LRFN5: variants seen among roughly 807,000 people sequenced by gnomAD.
LRFN5 encodes leucine rich repeat and fibronectin type III domain containing 5, also known as leucine-rich repeat and fibronectin type-III domain-containing protein 5.
Under a neutral mutation model 45.6 loss-of-function variants are expected in LRFN5, and 24 were observed. That is an observed-to-expected ratio of 0.53 (90% CI 0.38 to 0.74). LRFN5 has a LOEUF of 0.74. Ranked by LOEUF, LRFN5 falls within the 30% of genes least tolerant of loss-of-function variation. The pLI is 0.00. For missense variants in LRFN5, 776 were observed against 861.5 expected (o/e 0.90, Z 1.24); for synonymous variants, 340 against 313.8 (o/e 1.08, Z -0.88).
intron 1 of LRFN5, among the ~76,000 whole-genome samples, chr14:41,753,933 G>A (rs937984453): frequency 2.4e-4 from 37 of 152,172 alleles, no homozygotes; most frequent in South Asian, 8.3e-4. Context: ...TTTGAGATAC[G>A]TCCCATCAAT....
chr14:41,726,219 C>T (rs572528338), intron 1 of LRFN5, among the ~76,000 whole-genome samples: 8 of 152,146 alleles, frequency 5.3e-5, no homozygotes, highest in South Asian at 2.1e-4. Context: ...TCATTATCTA[C>T]GCTCTAATTT....
intron 2 of LRFN5, among the ~76,000 whole-genome samples, chr14:41,861,294 T>C (rs1198412277): frequency 6.6e-6 from 1 of 152,186 alleles, no homozygotes; most frequent in Non-Finnish European, 1.5e-5. Flanking sequence ...AGCTCGATTA[T>C]TGTTTCTTTG....
chr14:41,760,708 G>T lies in LRFN5; in HGVS notation c.-196-6146G>T, dbSNP rs189923381. 9.2e-4 allele frequency among the ~76,000 whole-genome samples: 139 copies of T among 151,740 alleles called. 1 individual carries two copies. Among genetic ancestry groups the T allele is most frequent in the Non-Finnish European group, 1.5e-3 (103 of 67,874 alleles). ...AGAGAGGGAGGGAGGAAGGAAAGAA[G>T]GGAATCAGGGAGGGATAGAGAGAAG... On this transcript the variant is annotated intron_variant, in intron 1 of 5. Coordinates refer to ENST00000298119, the MANE Select transcript of LRFN5 (RefSeq NM_152447.5).
At chr14:41,864,019 G>A (rs1889759424) in intron 2 of LRFN5, among the ~76,000 whole-genome samples, 1 of 152,110 alleles carries the variant, frequency 6.6e-6, no homozygotes, top group Admixed American at 6.5e-5. Flanking sequence ...TTTTCTTTAA[G>A]GCTTCATAGT....
intron 2 of LRFN5, among the ~76,000 whole-genome samples, chr14:41,815,798 G>A (rs994798866): frequency 2.0e-5 from 3 of 151,938 alleles, no homozygotes; most frequent in Non-Finnish European, 4.4e-5. Flanking sequence ...TGAAGTGGAT[G>A]TCTTGTAGAC....
At chr14:41,680,531 GT>G (rs1299671633) in intron 1 of LRFN5, among the ~76,000 whole-genome samples, 2 of 152,122 alleles carry the variant, frequency 1.3e-5, no homozygotes, top group Non-Finnish European at 1.5e-5. Flanking sequence ...CCCTCTATGA[GT>G]TTTTAAGAGC....
At chr14:41,862,317 A>G (rs534012620) in intron 2 of LRFN5, among the ~76,000 whole-genome samples, 4 of 152,278 alleles carry the variant, frequency 2.6e-5, no homozygotes, top group African/African-American at 9.6e-5. Context: ...CTGTTTTTAC[A>G]TCTTGTAGAA....
intron 1 of LRFN5, among the ~76,000 whole-genome samples, chr14:41,714,184 A>T (rs896050363): frequency 6.6e-6 from 1 of 152,194 alleles, no homozygotes; most frequent in Admixed American, 6.5e-5. Context: ...CTTTAAGTGG[A>T]TGGGATATGG....
At chr14:41,885,155 CAAAA>C (rs56318694) in intron 2 of LRFN5, among the ~76,000 whole-genome samples, 13 of 129,432 alleles carry the variant, frequency 1.0e-4, no homozygotes, top group African/African-American at 2.6e-4. Flanking sequence ...CCTGTCTCTA[CAAAA>C]AAAAAAAAAA....
chr14:41,669,474 A>ATAATT (rs534352142), intron 1 of LRFN5, among the ~76,000 whole-genome samples: 493 of 152,182 alleles, frequency 3.2e-3, no homozygotes, highest in African/African-American at 0.011. Context: ...AATTATATCT[A>ATAATT]ACATTAGAAT....
Position 41,886,886 on chromosome 14 carries a change from A to G in LRFN5, c.261A>G (p.Ile87Met). Residue 87 changes from isoleucine to methionine, a missense_variant, in exon 3 of 6, where the codon ATA (isoleucine) becomes ATG (methionine). Physicochemically the swap from Ile to Met is conservative, Grantham distance 10 (BLOSUM62 1). Coordinates refer to ENST00000298119, the MANE Select transcript of LRFN5 (RefSeq NM_152447.5). The stretch of plus-strand genomic sequence containing the variant: ...ACCTGACTCTATCCAGGAATACAAT[A>G]AGTTTTATTACACCTCATGCTTTCG... ...LVDLTLSRNT[I>M]SFITPHAFAD... is the part of the protein sequence containing the mutation. 6.2e-7 allele frequency: 1 copy of G among 1,614,184 alleles called. No individual in the cohort carries two copies. Among genetic ancestry groups the G allele is most frequent in the East Asian group, 2.2e-5 (1 of 44,874 alleles).
At chr14:41,830,743 T>C (rs542701715) in intron 2 of LRFN5, among the ~76,000 whole-genome samples, 4 of 152,054 alleles carry the variant, frequency 2.6e-5, no homozygotes, top group Non-Finnish European at 4.4e-5. Context: ...GGGAAGTTGA[T>C]AGAGATGTGT....
chr14:41,883,452 C>A (rs1010383194), intron 2 of LRFN5, among the ~76,000 whole-genome samples: 7 of 152,132 alleles, frequency 4.6e-5, no homozygotes, highest in African/African-American at 1.7e-4. Flanking sequence ...ATATAATTTT[C>A]CTTCAGCCTA....
At chr14:41,856,463 G>A (rs954743847) in intron 2 of LRFN5, among the ~76,000 whole-genome samples, 2 of 151,828 alleles carry the variant, frequency 1.3e-5, no homozygotes, top group Admixed American at 6.6e-5. Flanking sequence ...GGCCGTTTCC[G>A]TCAAGGAGTT....
chr14:41,868,661 CA>C (rs752591479), intron 2 of LRFN5, among the ~76,000 whole-genome samples: 31 of 152,144 alleles, frequency 2.0e-4, no homozygotes, highest in Non-Finnish European at 3.8e-4. Flanking sequence ...ACTGCGTTAG[CA>C]GTATCTAATT....
Position 41,887,128 on chromosome 14 carries a change from A to C in LRFN5, c.503A>C (p.Glu168Ala). The C allele has an allele frequency of 1.2e-6, 2 of 1,614,048 alleles. No individual in the cohort carries two copies. Among genetic ancestry groups the C allele is most frequent in the Non-Finnish European group, 1.7e-6 (2 of 1,180,026 alleles). ...NLETIPWDAV[E>A]KMVSLHTLSL... ...GAAACCATTCCTTGGGATGCTGTTG[A>C]GAAGATGGTTAGCTTGCATACCCTT... Residue 168 changes from glutamate to alanine, a missense_variant, in exon 3 of 6, where the codon GAG (glutamate) becomes GCG (alanine). Transcript: ENST00000298119. The surrounding 1 kb of genome is among the most constrained non-coding windows in gnomAD (Gnocchi z 4.8).
intron 2 of LRFN5, among the ~76,000 whole-genome samples, chr14:41,806,524 T>C (rs747217832): frequency 3.9e-5 from 6 of 152,174 alleles, no homozygotes; most frequent in Non-Finnish European, 5.9e-5. Context: ...CTAAAAGCTT[T>C]GCTGTGATTA....
At chr14:41,848,889 C>A (rs1175459990) in intron 2 of LRFN5, among the ~76,000 whole-genome samples, 2 of 151,970 alleles carry the variant, frequency 1.3e-5, no homozygotes, top group Non-Finnish European at 2.9e-5. Flanking sequence ...ACTTCTGTAA[C>A]CCTTGCTTTG....
chr14:41,769,343 C>A (rs767489433), intron 2 of LRFN5, among the ~76,000 whole-genome samples: 6 of 152,116 alleles, frequency 3.9e-5, no homozygotes, highest in Non-Finnish European at 8.8e-5. Context: ...TTCCAATTAG[C>A]CTTGGACAGT....
Sources: gnomAD v4.1 joint callset for allele counts (sites outside exome capture counted in the v4.1 genomes callset) on GRCh38, gnomAD v4.1.1 for gene constraint, Gnocchi (gnomAD v3.1) non-coding constraint, MANE v1.5 for transcripts, NCBI Gene and HGNC (gene_info 2026-07-23, HGNC 2026-07-21) for gene names.